ANKS1B: variants seen among roughly 807,000 people sequenced by gnomAD.
ANKS1B encodes the protein ankyrin repeat and sterile alpha motif domain-containing protein 1B.
A neutral mutation model predicts 148.3 loss-of-function variants in ANKS1B; 36 were observed. The ratio of observed to expected loss-of-function variants is 0.24; its 90% CI spans 0.19 to 0.32. The LOEUF (loss-of-function observed/expected upper bound fraction) is 0.32, where lower values mean the gene tolerates loss of function less well. ANKS1B is among the 10% of genes least tolerant of loss of function. ANKS1B has a pLI of 1.00. For synonymous variants in ANKS1B, 542 were observed against 560.8 expected, an observed-to-expected ratio of 0.97 and a Z score of 0.47; for missense variants, 1,157 against 1,542.6, an observed-to-expected ratio of 0.75 and a Z score of 4.19.
intron 1 of ANKS1B, among the ~76,000 whole-genome samples, chr12:99,869,076 T>G (rs189923630): frequency 2.6e-5 from 4 of 151,710 alleles, no homozygotes; most frequent in Middle Eastern, 3.4e-3. Context: ...ATAAATAAAT[T>G]TTAAGGAAGA....
At chr12:99,447,311 T>C (rs2095652198) in intron 10 of ANKS1B, among the ~76,000 whole-genome samples, 1 of 151,982 alleles carries the variant, frequency 6.6e-6, no homozygotes, top group Non-Finnish European at 1.5e-5. Flanking sequence ...ATACAAAAAC[T>C]AACTCAAAAT....
chr12:99,453,090 A>G (rs1282094490), intron 10 of ANKS1B, among the ~76,000 whole-genome samples: 2 of 152,014 alleles, frequency 1.3e-5, no homozygotes, highest in Admixed American at 6.5e-5. Flanking sequence ...GGAGATCGAG[A>G]CCATCCTGGC....
At chr12:98,910,729 A>G (rs548407970) in intron 17 of ANKS1B, among the ~76,000 whole-genome samples, 11 of 152,368 alleles carry the variant, frequency 7.2e-5, no homozygotes, top group African/African-American at 1.9e-4. Flanking sequence ...TAGAATCAAC[A>G]ATCAATGAAG....
At chr12:99,320,329 C>T (rs1004647282) in intron 12 of ANKS1B, among the ~76,000 whole-genome samples, 59 of 152,210 alleles carry the variant, frequency 3.9e-4, no homozygotes, top group African/African-American at 1.4e-3. Flanking sequence ...TCTGGTACAA[C>T]AATCAGATGT....
At chr12:99,165,522 G>A (rs1262859807) in intron 14 of ANKS1B, among the ~76,000 whole-genome samples, 1 of 151,860 alleles carries the variant, frequency 6.6e-6, no homozygotes, top group African/African-American at 2.4e-5. Context: ...CAGCAACTTA[G>A]ATGAAATGAC....
intron 9 of ANKS1B, among the ~76,000 whole-genome samples, chr12:99,537,789 T>C (rs2097086656): frequency 6.6e-6 from 1 of 152,150 alleles, no homozygotes; most frequent in African/African-American, 2.4e-5. Flanking sequence ...ATTTTTGCTG[T>C]GGTTGTCTGT....
Position 99,810,294 on chromosome 12 carries a change from G to A in ANKS1B, c.372+1861C>T, listed in dbSNP as rs181918862. ...GGTGAAAGTGTTTAGAACAGTGCCC[G>A]CTTTACCTTATGTCTCAATAAATGC... is the stretch of plus-strand genomic sequence containing the variant. On this transcript the variant is annotated intron_variant, in intron 3 of 26. Coordinates refer to ENST00000683438, the MANE Select transcript of ANKS1B (RefSeq NM_001352186.2). 2.7e-3 allele frequency among the ~76,000 whole-genome samples: 411 copies of A among 151,940 alleles called. 2 individuals are homozygous for A. Among genetic ancestry groups the A allele is most frequent in the African/African-American group, 9.1e-3 (378 of 41,500 alleles).
chr12:98,858,493 C>A (rs1437185533), intron 17 of ANKS1B, among the ~76,000 whole-genome samples: 1 of 152,194 alleles, frequency 6.6e-6, no homozygotes, highest in Non-Finnish European at 1.5e-5. Context: ...CAGGCCCATG[C>A]TACCATGCCT....
intron 9 of ANKS1B, among the ~76,000 whole-genome samples, chr12:99,617,213 C>T (rs1189424736): frequency 6.6e-6 from 1 of 152,148 alleles, no homozygotes. Flanking sequence ...ATTAGTTCAA[C>T]CATTGTGGAA....
intron 9 of ANKS1B, among the ~76,000 whole-genome samples, chr12:99,543,015 T>C (rs1013127462): frequency 2.0e-5 from 3 of 152,014 alleles, no homozygotes; most frequent in Non-Finnish European, 4.4e-5. Flanking sequence ...ACTTTTATGC[T>C]TCAAAGGACA....
intron 17 of ANKS1B, among the ~76,000 whole-genome samples, chr12:98,847,799 T>C (rs1440631451): frequency 1.3e-5 from 2 of 152,158 alleles, no homozygotes; most frequent in Admixed American, 1.3e-4. Context: ...TTTTGTCATG[T>C]TGGTCAGGCT....
chr12:99,857,995 G>A (rs1031367827), intron 1 of ANKS1B, among the ~76,000 whole-genome samples: 3 of 152,054 alleles, frequency 2.0e-5, no homozygotes, highest in Non-Finnish European at 4.4e-5. Flanking sequence ...TCATGACCAA[G>A]AACCCAAAAG....
At chr12:98,803,478 T>C (rs1163525930) in intron 20 of ANKS1B, among the ~76,000 whole-genome samples, 2 of 152,326 alleles carry the variant, frequency 1.3e-5, no homozygotes, top group East Asian at 1.9e-4. Context: ...GAAGTTTGCA[T>C]GCAACTCCGT....
intron 11 of ANKS1B, among the ~76,000 whole-genome samples, chr12:99,439,481 C>A (rs555243395): frequency 2.0e-5 from 3 of 151,174 alleles, no homozygotes; most frequent in South Asian, 4.2e-4. Context: ...AAGCTGAACA[C>A]CCCTAAAAAA....
chr12:99,966,140 A>G (rs1207743445), intron 1 of ANKS1B, among the ~76,000 whole-genome samples: 1 of 152,194 alleles, frequency 6.6e-6, no homozygotes, highest in African/African-American at 2.4e-5. Flanking sequence ...ATCCCAATAA[A>G]GACATTATTG....
Position 98,766,948 on chromosome 12 carries a change from T to A in ANKS1B, c.3579+6094A>T, listed in dbSNP as rs7135248. On this transcript the variant is annotated intron_variant, in intron 25 of 26. Transcript: ENST00000683438. ...AGCCTCCCGAGTAGCTGGCACTACA[T>A]GTGTGTGCCACCATGCCTGGCTATT... 6.2e-4 allele frequency among the ~76,000 whole-genome samples: 94 copies of A among 151,136 alleles called. 1 individual carries two copies. In the South Asian group the frequency reaches 0.019, roughly 30 times the overall value.
intron 15 of ANKS1B, among the ~76,000 whole-genome samples, chr12:99,111,019 G>A (rs1032765619): frequency 6.6e-6 from 1 of 152,098 alleles, no homozygotes; most frequent in East Asian, 1.9e-4. Flanking sequence ...TTATCACACT[G>A]CATCGAAGCT....
At chr12:99,590,258 CCA>C (rs374132496) in intron 9 of ANKS1B, among the ~76,000 whole-genome samples, 4,520 of 132,524 alleles carry the variant, frequency 0.034, 79 homozygotes, top group Non-Finnish European at 0.038. Context: ...CCACACCCAC[CCA>C]CACACACACA....
chr12:99,658,749 G>C (rs2098461977), intron 8 of ANKS1B, among the ~76,000 whole-genome samples: 1 of 152,036 alleles, frequency 6.6e-6, no homozygotes, highest in Non-Finnish European at 1.5e-5. Context: ...TTAATTGCTT[G>C]ACAGAGACTG....
Sources: allele counts gnomAD v4.1 joint callset (sites outside exome capture counted in the v4.1 genomes callset), GRCh38; gene constraint gnomAD v4.1.1; transcripts MANE v1.5; gene names NCBI Gene and HGNC (gene_info 2026-07-23, HGNC 2026-07-21).